The following BATF variants were observed in gnomAD, a reference collection of about 807,000 sequenced individuals.
BATF encodes the protein basic leucine zipper ATF-like transcription factor.
A neutral mutation model predicts 13.7 loss-of-function variants in BATF; 5 were observed. That is an observed-to-expected ratio of 0.36 (90% CI 0.19 to 0.77). The LOEUF is 0.77. Ranked by LOEUF, BATF falls within the 30% of genes least tolerant of loss-of-function variation. The pLI, the probability that BATF is intolerant of heterozygous loss-of-function variation, is 0.51. For missense variants in BATF, 124 were observed against 163.0 expected (o/e 0.76, Z 1.30); for synonymous variants, 72 against 67.5 (o/e 1.07, Z -0.33).
At chr14:75,545,320 T>C (rs1299784063) in intron 2 of BATF, among the ~76,000 whole-genome samples, 2 of 151,412 alleles carry the variant, frequency 1.3e-5, no homozygotes, top group African/African-American at 4.9e-5. Context: ...CTCCTGGGTT[T>C]CAGCAATTCT....
At chr14:75,542,910 G>T (rs965913537) in intron 2 of BATF, among the ~76,000 whole-genome samples, 1 of 152,236 alleles carries the variant, frequency 6.6e-6, no homozygotes, top group Non-Finnish European at 1.5e-5. Flanking sequence ...AGGGAGGAAG[G>T]ACCCGCTGTC....
At chr14:75,538,528 G>T (rs940924359) in intron 2 of BATF, among the ~76,000 whole-genome samples, 4 of 152,140 alleles carry the variant, frequency 2.6e-5, no homozygotes, top group African/African-American at 9.7e-5. Flanking sequence ...GGAGTGAGCA[G>T]AATGTGTGGA....
intron 2 of BATF, among the ~76,000 whole-genome samples, chr14:75,527,203 A>T (rs955984356): frequency 6.6e-6 from 1 of 152,230 alleles, no homozygotes; most frequent in Non-Finnish European, 1.5e-5. Context: ...TTTAAGTATA[A>T]TAAGAGTAAT....
At chr14:75,525,414 G>A (rs548440724) in intron 2 of BATF, among the ~76,000 whole-genome samples, 1 of 152,112 alleles carries the variant, frequency 6.6e-6, no homozygotes, top group Admixed American at 6.5e-5. Flanking sequence ...TGTAATCCCA[G>A]CATTTTGGGA....
At chr14:75,536,913 G>A (rs1384707589) in intron 2 of BATF, among the ~76,000 whole-genome samples, 1 of 152,030 alleles carries the variant, frequency 6.6e-6, no homozygotes, top group African/African-American at 2.4e-5. Context: ...CCGTTTAATT[G>A]AGAGGGCAAA....
intron 2 of BATF, among the ~76,000 whole-genome samples, chr14:75,532,454 C>T (rs1211379234): frequency 6.6e-6 from 1 of 151,852 alleles, no homozygotes; most frequent in Non-Finnish European, 1.5e-5. Context: ...TAGATAGGTA[C>T]TATATATAGA....
chr14:75,535,863 G>A (rs1008188273), intron 2 of BATF, among the ~76,000 whole-genome samples: 4 of 152,132 alleles, frequency 2.6e-5, no homozygotes, highest in African/African-American at 9.7e-5. Context: ...GTGATTTCCT[G>A]CAACTGAGGA....
At chr14:75,523,871 G>A (rs1426563209) in intron 1 of BATF, among the ~76,000 whole-genome samples, 1 of 152,184 alleles carries the variant, frequency 6.6e-6, no homozygotes, top group Non-Finnish European at 1.5e-5. Context: ...TGCTGCTCAA[G>A]ATGGTGTCAG....
intron 2 of BATF, among the ~76,000 whole-genome samples, chr14:75,539,601 C>T (rs1173598616): frequency 6.6e-6 from 1 of 151,916 alleles, no homozygotes; most frequent in Non-Finnish European, 1.5e-5. Flanking sequence ...GCCTTTTCAC[C>T]CTGTGACTAG....
At chr14:75,538,399 C>T (rs1056146486) in intron 2 of BATF, among the ~76,000 whole-genome samples, 1 of 152,178 alleles carries the variant, frequency 6.6e-6, no homozygotes, top group African/African-American at 2.4e-5. Context: ...TCCAGGAATC[C>T]AGACTGTTTA....
intron 2 of BATF, among the ~76,000 whole-genome samples, chr14:75,538,866 A>C (rs986296293): frequency 1.3e-5 from 2 of 152,218 alleles, no homozygotes; most frequent in East Asian, 1.9e-4. Context: ...GTGCCACTGC[A>C]CTCCAGCCTG....
intron 2 of BATF, among the ~76,000 whole-genome samples, chr14:75,541,565 G>T (rs1887896846): frequency 6.6e-6 from 1 of 152,196 alleles, no homozygotes; most frequent in African/African-American, 2.4e-5. Flanking sequence ...AGTGACTCAG[G>T]GATCTTGTGT....
intron 2 of BATF, among the ~76,000 whole-genome samples, chr14:75,543,825 T>G (rs1887939773): frequency 6.7e-6 from 1 of 150,328 alleles, no homozygotes; most frequent in African/African-American, 2.4e-5. Context: ...AGCAAGACTG[T>G]CTCAAAAAAA....
intron 2 of BATF, among the ~76,000 whole-genome samples, chr14:75,540,955 C>T (rs529976151): frequency 1.5e-4 from 23 of 152,070 alleles, no homozygotes; most frequent in Non-Finnish European, 2.8e-4. Context: ...AGTGTATTGG[C>T]GGGCACCTGT....
chr14:75,528,941 T>C (rs919122998), intron 2 of BATF, among the ~76,000 whole-genome samples: 1 of 152,138 alleles, frequency 6.6e-6, no homozygotes, highest in African/African-American at 2.4e-5. Context: ...TTAACAAAAA[T>C]TATGAAGAGT....
Position 75,524,799 on chromosome 14 carries a change from A to ATT in BATF, c.64-272_64-271dup, listed in dbSNP as rs146615973. 2.0e-3 allele frequency among the ~76,000 whole-genome samples: 293 copies of ATT among 143,060 alleles called. 3 individuals carry two copies. In the South Asian group the frequency reaches 0.028, roughly 14 times the overall value. 93.9% of individuals were successfully genotyped at this position (143,060 alleles called of 152,430 possible). A position where few individuals can be genotyped will look rare whatever the true frequency, so the allele number is the denominator to read the frequency against. The stretch of plus-strand genomic sequence containing the variant: ...TAAAACACACTTCATCGCCTTAACC[A>ATT]TTTTTTTTTTTTTTGGCCAAATACA... On this transcript the variant is annotated intron_variant, in intron 1 of 2. Coordinates refer to ENST00000286639, the MANE Select transcript of BATF (RefSeq NM_006399.5).
At chr14:75,531,688 A>T (rs1887736454) in intron 2 of BATF, among the ~76,000 whole-genome samples, 1 of 152,256 alleles carries the variant, frequency 6.6e-6, no homozygotes, top group African/African-American at 2.4e-5. Flanking sequence ...TATGCATTAA[A>T]TGAAGCTTTG....
At chr14:75,522,823 C>T (rs1248024186) in intron 1 of BATF, 78 bp downstream of exon 1, 1 of 1,568,218 alleles carries the variant, frequency 6.4e-7, no homozygotes, top group East Asian at 2.3e-5. Context: ...CCTTGTCCTG[C>T]CCAGGGAGCT....
Position 75,546,599 on chromosome 14 carries a change from G to GC in BATF, c.312dup (p.Glu105ArgfsTer74), listed in dbSNP as rs765664765. On this transcript the variant is annotated frameshift_variant, in exon 3 of 3. Transcript: ENST00000286639. LOFTEE classifies it high-confidence loss of function. ...CGGTGCTGGCCGCCAGCACGCCCTCGCCCCCCGAGGTGGTGTACAGCGCCC... is the reference window on the plus strand; with the variant it reads ...CGGTGCTGGCCGCCAGCACGCCCTCGCCCCCCCGAGGTGGTGTACAGCGCCC... 3 of 1,613,794 alleles carry GC rather than the reference G, an allele frequency of 1.9e-6. No homozygotes were observed.
Sources: gnomAD v4.1 joint callset for allele counts (sites outside exome capture counted in the v4.1 genomes callset) on GRCh38, gnomAD v4.1.1 for gene constraint, MANE v1.5 for transcripts, NCBI Gene and HGNC (gene_info 2026-07-23, HGNC 2026-07-21) for gene names.